Variants in PRIMPOL observed in about 807,000 individuals in gnomAD.
The protein encoded by PRIMPOL is DNA-directed primase/polymerase protein.
Under a neutral mutation model 63.6 loss-of-function variants are expected in PRIMPOL, and 54 were observed. The observed-to-expected ratio is 0.85, with a 90% CI of 0.68 to 1.07. The LOEUF (loss-of-function observed/expected upper bound fraction) is 1.07, where lower values mean the gene tolerates loss of function less well. PRIMPOL is among the 50% of genes least tolerant of loss of function. PRIMPOL has a pLI of 0.00. For missense variants in PRIMPOL, 610 were observed against 648.3 expected (o/e 0.94, Z 0.64); for synonymous variants, 197 against 220.2 (o/e 0.89, Z 0.93).
chr4:184,663,001 CTGTT>C (rs1249345435), intron 5 of PRIMPOL, among the ~76,000 whole-genome samples: 1 of 144,330 alleles, frequency 6.9e-6, no homozygotes, highest in East Asian at 2.0e-4. Context: ...CTGGTAAATT[CTGTT>C]TAATTTTAAA....
At chr4:184,658,952 G>A (rs73011110) in intron 3 of PRIMPOL, among the ~76,000 whole-genome samples, 6,464 of 150,056 alleles carry the variant, frequency 0.043, 459 homozygotes, top group African/African-American at 0.15. Context: ...TTTATGTACT[G>A]GGGAATTTAC....
chr4:184,685,126 G>A (rs1756671603), intron 9 of PRIMPOL, among the ~76,000 whole-genome samples: 1 of 152,166 alleles, frequency 6.6e-6, no homozygotes, highest in South Asian at 2.1e-4. Flanking sequence ...AGCTAGGCCT[G>A]TTATGGACGT....
chr4:184,690,037 T>G (rs1455102328), intron 11 of PRIMPOL, among the ~76,000 whole-genome samples: 3 of 152,140 alleles, frequency 2.0e-5, no homozygotes, highest in Non-Finnish European at 4.4e-5. Flanking sequence ...CACCTGCCTT[T>G]TTTTGCTCCT....
chr4:184,694,370 G>A (rs2150190887), intron 13 of PRIMPOL, 152 bp from the exon 14 acceptor site: 5 of 1,408,544 alleles, frequency 3.5e-6, no homozygotes, highest in South Asian at 1.6e-5. Flanking sequence ...TCATTCCCAC[G>A]GTGAGATATC....
rs1404346034 is a variant in PRIMPOL at position 184,691,734 on chromosome 4, T to C, written c.1425+22T>C. The C allele has an allele frequency of 1.9e-6, 3 of 1,591,780 alleles. No homozygotes were observed. The East Asian group carries it at 6.7e-5, about 36-fold the overall frequency. On this transcript the variant is annotated intron_variant, in intron 13 of 13. Transcript: ENST00000314970. ...AGAGGTAAGTACAGATTTTAGTGTC[T>C]TTCTCCTTACCAGGGAGTTCTTGGT...
At chr4:184,678,190 A>G (rs755809941) in intron 7 of PRIMPOL, 42 bp from the exon 8 acceptor site, 1 of 1,351,634 alleles carries the variant, frequency 7.4e-7, no homozygotes, top group Non-Finnish European at 1.0e-6. Flanking sequence ...AACTAATAAC[A>G]GAAAACATGC....
intron 6 of PRIMPOL, among the ~76,000 whole-genome samples, chr4:184,668,060 A>G (rs1750569332): frequency 6.6e-6 from 1 of 152,156 alleles, no homozygotes; most frequent in Non-Finnish European, 1.5e-5. Context: ...TTCCCACTCT[A>G]TCCTCACCCT....
At chr4:184,664,464 A>G (rs1053439684) in intron 5 of PRIMPOL, among the ~76,000 whole-genome samples, 1 of 152,254 alleles carries the variant, frequency 6.6e-6, no homozygotes, top group African/African-American at 2.4e-5. Flanking sequence ...CCCAAGTAAT[A>G]TCTAATGTGG....
chr4:184,652,718 C>A (rs1055401720), intron 2 of PRIMPOL, among the ~76,000 whole-genome samples: 1 of 151,930 alleles, frequency 6.6e-6, no homozygotes, highest in African/African-American at 2.4e-5. Context: ...AAAATATTGT[C>A]AAATACCAGG....
Position 184,678,234 on chromosome 4 carries a change from G to A in PRIMPOL, c.847G>A (p.Val283Ile). 1 of 1,565,136 alleles carries A rather than the reference G, an allele frequency of 6.4e-7. No individual in the cohort carries two copies. Among genetic ancestry groups the A allele is most frequent in the Non-Finnish European group, 8.6e-7 (1 of 1,159,510 alleles). Reference protein sequence around the residue: ...GEKHLFVDLGVYTRNRNFRLY... With the variant: ...GEKHLFVDLGIYTRNRNFRLY... ...TGTTTTATCAATTTTTGATGTAGGAGTTTATACAAGAAATAGAAACTTTCG... is the reference window on the plus strand; with the variant it reads ...TGTTTTATCAATTTTTGATGTAGGAATTTATACAAGAAATAGAAACTTTCG... The change falls in exon 8 of 14, where the codon GTT becomes ATT. Residue 283 changes from valine to isoleucine, a missense_variant and splice_region_variant. Physicochemically the swap from Val to Ile is conservative, Grantham distance 29. This residue lies in a region of PRIMPOL where 444 missense variants were observed against 456.4 expected (regional missense o/e 0.97). Coordinates refer to ENST00000314970, the MANE Select transcript of PRIMPOL (RefSeq NM_152683.4).
intron 11 of PRIMPOL, 94 bp from the exon 12 acceptor site, chr4:184,691,405 G>C: frequency 1.4e-6 from 1 of 723,100 alleles, no homozygotes; most frequent in East Asian, 2.7e-5. Context: ...CCATCTTTAA[G>C]TCTTAGGCAT....
At chr4:184,660,619 A>C (rs1257474467) in intron 4 of PRIMPOL, among the ~76,000 whole-genome samples, 1 of 152,224 alleles carries the variant, frequency 6.6e-6, no homozygotes, top group East Asian at 1.9e-4. Flanking sequence ...ATTTATGTTG[A>C]TATACATGCA....
intron 6 of PRIMPOL, among the ~76,000 whole-genome samples, chr4:184,667,466 A>ACC (rs1553993016): frequency 6.6e-6 from 1 of 152,092 alleles, no homozygotes; most frequent in Non-Finnish European, 1.5e-5. Context: ...GTGTGCCACC[A>ACC]TGCCCGGCTA....
chr4:184,654,452 A>AGTTTTTTTTTTGT (rs1553985956), intron 2 of PRIMPOL, among the ~76,000 whole-genome samples: 3 of 126,576 alleles, frequency 2.4e-5, no homozygotes, highest in Non-Finnish European at 4.9e-5. Flanking sequence ...AAGTTAAAGC[A>AGTTTTTTTTTTGT]GTTTTTTTTT....
chr4:184,691,848 A>T lies in PRIMPOL; in HGVS notation c.1425+136A>T, dbSNP rs1758633612. The T allele has an allele frequency of 4.6e-6, 3 of 648,206 alleles. No individual in the cohort carries two copies. The African/African-American group carries it at 5.5e-5, about 12-fold the overall frequency. The allele number at this position is 648,206 out of a possible 1,614,324, so 40.2% of individuals were successfully genotyped here. A position where few individuals can be genotyped will look rare whatever the true frequency, so the allele number is the denominator to read the frequency against. Reference sequence around the variant, plus strand: ...TTTCACTTATGACTGTATTATAGGAATATATTGTAGTGATTTTCCCATTTC... The same window carrying T: ...TTTCACTTATGACTGTATTATAGGATTATATTGTAGTGATTTTCCCATTTC... On this transcript the variant is annotated intron_variant, in intron 13 of 13. Transcript: ENST00000314970.
chr4:184,659,505 G>A lies in PRIMPOL; in HGVS notation c.278+68G>A. On this transcript the variant is annotated intron_variant, in intron 4 of 13. Transcript: ENST00000314970. ...ATTTCCTTTGCCTAGGAATTTTGGT[G>A]AAATTAGTTCAGGCTGAATTGGCTT... is the stretch of plus-strand genomic sequence containing the variant. 8.6e-6 allele frequency: 10 copies of A among 1,166,998 alleles called. No individual in the cohort carries two copies. In the Middle Eastern group the frequency reaches 5.8e-4, roughly 68 times the overall value. The allele number at this position is 1,166,998 out of a possible 1,614,324, so 72.3% of individuals were successfully genotyped here. A position where few individuals can be genotyped will look rare whatever the true frequency, so the allele number is the denominator to read the frequency against.
intron 6 of PRIMPOL, among the ~76,000 whole-genome samples, chr4:184,667,516 T>C (rs774875190): frequency 5.9e-5 from 9 of 152,268 alleles, no homozygotes; most frequent in Non-Finnish European, 8.8e-5. Context: ...TTCACCAGGT[T>C]AGCCAGGATG....
chr4:184,680,820 T>C (rs1755433887), intron 8 of PRIMPOL, among the ~76,000 whole-genome samples: 1 of 151,024 alleles, frequency 6.6e-6, no homozygotes, highest in Admixed American at 6.6e-5. Context: ...CAGTGAATGT[T>C]GTTGGTAGCA....
chr4:184,650,599 G>T (rs1394142225), intron 1 of PRIMPOL, among the ~76,000 whole-genome samples: 1 of 152,214 alleles, frequency 6.6e-6, no homozygotes, highest in Non-Finnish European at 1.5e-5. Flanking sequence ...TACGTCAATG[G>T]TGTGCTATAT....
Sources: gnomAD v4.1 joint callset for allele counts (sites outside exome capture counted in the v4.1 genomes callset) on GRCh38, gnomAD v4.1.1 for gene constraint, gnomAD v4.1.1 regional missense constraint, MANE v1.5 for transcripts, NCBI Gene and HGNC (gene_info 2026-07-23, HGNC 2026-07-21) for gene names.